The following CAMK2A variants were observed in gnomAD, a reference collection of about 807,000 sequenced individuals.
CAMK2A encodes the protein calcium/calmodulin-dependent protein kinase type II subunit alpha.
CAMK2A carries 7 observed loss-of-function variants against 79.2 expected under a neutral mutation model. The ratio of observed to expected loss-of-function variants is 0.09; its 90% CI spans 0.05 to 0.17. The LOEUF is 0.17. Among genes scored for constraint, CAMK2A ranks in the 10% least tolerant of loss-of-function variants. CAMK2A has a pLI of 1.00. For synonymous variants in CAMK2A, 242 were observed against 251.7 expected, an observed-to-expected ratio of 0.96 and a Z score of 0.36; for missense variants, 214 against 646.4, an observed-to-expected ratio of 0.33 and a Z score of 7.25.
chr5:150,248,697 G>A (rs553472268), intron 11 of CAMK2A, among the ~76,000 whole-genome samples: 34 of 152,026 alleles, frequency 2.2e-4, no homozygotes, highest in African/African-American at 7.0e-4. Context: ...AGTATTCCAC[G>A]GTGTATATGT....
At chr5:150,273,986 T>A (rs769054313) in intron 1 of CAMK2A, among the ~76,000 whole-genome samples, 7 of 152,240 alleles carry the variant, frequency 4.6e-5, no homozygotes, top group Non-Finnish European at 8.8e-5. Flanking sequence ...GTTTGCTGAT[T>A]TCAATGGATA....
chr5:150,241,665 T>C, intron 13 of CAMK2A, among the ~76,000 whole-genome samples: 1 of 139,670 alleles, frequency 7.2e-6, no homozygotes. Flanking sequence ...TCTCTTCTCC[T>C]CTCCCTTCCT....
chr5:150,252,854 T>C (rs1188048611), intron 7 of CAMK2A, among the ~76,000 whole-genome samples: 1 of 152,134 alleles, frequency 6.6e-6, no homozygotes. Context: ...TTAGCCAAAG[T>C]CACATACCTC....
chr5:150,227,425 G>A (rs763532358), intron 17 of CAMK2A, among the ~76,000 whole-genome samples: 16 of 152,070 alleles, frequency 1.1e-4, no homozygotes, highest in Non-Finnish European at 1.9e-4. Context: ...TAGCCTCAGT[G>A]GTACACGCCC....
At chr5:150,236,035 C>A (rs1204167499) in intron 15 of CAMK2A, among the ~76,000 whole-genome samples, 1 of 152,078 alleles carries the variant, frequency 6.6e-6, no homozygotes, top group Non-Finnish European at 1.5e-5. Flanking sequence ...CATATGTGCC[C>A]TTTCTCCTCC....
intron 12 of CAMK2A, among the ~76,000 whole-genome samples, chr5:150,246,847 T>C (rs1464064745): frequency 1.3e-5 from 2 of 152,230 alleles, no homozygotes; most frequent in Non-Finnish European, 2.9e-5. Context: ...TTCTCAGAGC[T>C]GCCCTCTTGC....
intron 1 of CAMK2A, among the ~76,000 whole-genome samples, chr5:150,287,935 CTCTGTGTGTGTG>C (rs1757493020): frequency 8.7e-6 from 1 of 114,390 alleles, no homozygotes; most frequent in Non-Finnish European, 1.8e-5. Context: ...GTAGGATAGC[CTCTGTGTGTGTG>C]TGTGTGTGTG....
chr5:150,232,122 C>A (rs1175020934), intron 15 of CAMK2A, among the ~76,000 whole-genome samples: 1 of 152,196 alleles, frequency 6.6e-6, no homozygotes, highest in South Asian at 2.1e-4. Context: ...GAGGACACCA[C>A]CACCTCTCAT....
chr5:150,237,211 G>A (rs1473541778), intron 15 of CAMK2A, among the ~76,000 whole-genome samples: 7 of 152,164 alleles, frequency 4.6e-5, no homozygotes, highest in Non-Finnish European at 1.0e-4. Flanking sequence ...GGTATGTGGT[G>A]CGTCAAAACT....
chr5:150,265,126 G>A (rs1043120831), intron 2 of CAMK2A, 111 bp from the exon 3 acceptor site: 1 of 794,922 alleles, frequency 1.3e-6, no homozygotes, highest in African/African-American at 1.7e-5. Flanking sequence ...GCCCCTGGGG[G>A]CTGGGAAAGC....
rs778444660 is a variant in CAMK2A at position 150,252,037 on chromosome 5, G to A, written c.543C>T (p.Ser181=). Residue 181 remains serine (S), a synonymous_variant, in exon 8 of 19, where the codon TCC becomes TCT. Transcript: ENST00000671881. Reference sequence around the variant, plus strand: ...ACGGGTCCTTCCGCAGCACTTCTGGGGAGAGATATCCAGGAGTCCCTGCAA... The same window carrying A: ...ACGGGTCCTTCCGCAGCACTTCTGGAGAGAGATATCCAGGAGTCCCTGCAA... ...FGFAGTPGYL[S]PEVLRKDPYG... is the part of the protein sequence containing the mutation. 3 of 1,613,880 alleles carry A rather than the reference G, an allele frequency of 1.9e-6. No individual in the cohort carries two copies. The East Asian group carries it at 6.7e-5, about 36-fold the overall frequency.
intron 17 of CAMK2A, among the ~76,000 whole-genome samples, chr5:150,226,808 G>GTT (rs376905399): frequency 7.5e-6 from 1 of 134,086 alleles, no homozygotes. Context: ...TTTGTTTTTT[G>GTT]TGTTTTTTTT....
intron 16 of CAMK2A, among the ~76,000 whole-genome samples, chr5:150,229,404 C>T (rs1004186789): frequency 7.2e-5 from 11 of 152,186 alleles, no homozygotes; most frequent in African/African-American, 2.4e-4. Flanking sequence ...TGAAGAAGCC[C>T]CAACCCTGGA....
At chr5:150,226,734 A>G (rs1389201655) in intron 17 of CAMK2A, among the ~76,000 whole-genome samples, 1 of 109,838 alleles carries the variant, frequency 9.1e-6, no homozygotes, top group Non-Finnish European at 1.9e-5. Flanking sequence ...GACTCAGTCA[A>G]AAAAAAAAAA....
chr5:150,253,606 A>G, intron 6 of CAMK2A, 60 bp from the exon 7 acceptor site: 1 of 1,406,334 alleles, frequency 7.1e-7, no homozygotes, highest in South Asian at 1.2e-5. Context: ...CAGTCAGCAG[A>G]TTCAGAGCCT....
At chr5:150,282,754 T>C (rs1324584640) in intron 1 of CAMK2A, among the ~76,000 whole-genome samples, 4 of 152,244 alleles carry the variant, frequency 2.6e-5, no homozygotes, top group Non-Finnish European at 4.4e-5. Context: ...TCCCATATCA[T>C]TCTTTCAGAA....
chr5:150,223,216 C>T lies in CAMK2A; in HGVS notation c.1239G>A (p.Leu413=), dbSNP rs376988214. Residue 413 remains leucine, a splice_region_variant and synonymous_variant, in exon 18 of 19, where the codon CTG becomes CTA. Transcript: ENST00000671881. This position sits in a 1 kb window ranked among gnomAD's most constrained non-coding sequence, Gnocchi z 4.1. The part of the protein sequence containing the change: ...LDFHRFYFEN[L]WSRNSKPVHT... ...GCACGGGCTTGCTGTTCCGGGACCA[C>T]ACTGGAGGAGGGGATGGGAGGGGCA... 18 of 1,612,938 alleles carry T rather than the reference C, an allele frequency of 1.1e-5. No homozygotes were observed. Among genetic ancestry groups the T allele is most frequent in the Non-Finnish European group, 1.5e-5 (18 of 1,179,754 alleles).
At chr5:150,275,421 G>A (rs1580950024) in intron 1 of CAMK2A, among the ~76,000 whole-genome samples, 1 of 152,110 alleles carries the variant, frequency 6.6e-6, no homozygotes, top group South Asian at 2.1e-4. Flanking sequence ...CACCAGTTGG[G>A]TATCCTATAA....
At chr5:150,238,500 C>T in intron 15 of CAMK2A, 200 bp downstream of exon 15, 3 of 683,052 alleles carry the variant, frequency 4.4e-6, no homozygotes, top group Non-Finnish European at 8.1e-6. Flanking sequence ...ATCTACACAC[C>T]AGCAGTAGTT....
Sources: gnomAD v4.1 joint callset for allele counts (sites outside exome capture counted in the v4.1 genomes callset) on GRCh38, gnomAD v4.1.1 for gene constraint, Gnocchi (gnomAD v3.1) non-coding constraint, MANE v1.5 for transcripts, NCBI Gene and HGNC (gene_info 2026-07-23, HGNC 2026-07-21) for gene names.